The following GRK5 variants were observed in gnomAD, a reference collection of about 807,000 sequenced individuals.
GRK5 encodes g protein-coupled receptor kinase GRK5.
GRK5 carries 40 observed loss-of-function variants against 78.4 expected under a neutral mutation model. The ratio of observed to expected loss-of-function variants is 0.51; its 90% CI spans 0.40 to 0.66. The LOEUF (loss-of-function observed/expected upper bound fraction) is 0.66. Ranked by LOEUF, GRK5 falls within the 30% of genes least tolerant of loss-of-function variation. GRK5 has a pLI of 0.00. For missense variants in GRK5, 598 were observed against 759.9 expected (o/e 0.79, Z 2.50); for synonymous variants, 289 against 296.8 (o/e 0.97, Z 0.27).
intron 1 of GRK5, among the ~76,000 whole-genome samples, chr10:119,256,146 C>T (rs1274934379): frequency 6.6e-6 from 1 of 152,056 alleles, no homozygotes; most frequent in Non-Finnish European, 1.5e-5. Context: ...TTGGCCCAGC[C>T]TCCACTGCAC....
chr10:119,403,277 C>T (rs1324032443), intron 4 of GRK5, among the ~76,000 whole-genome samples: 1 of 152,128 alleles, frequency 6.6e-6, no homozygotes, highest in Non-Finnish European at 1.5e-5. Flanking sequence ...CGCCATTCTC[C>T]TGCCTCAGCC....
chr10:119,376,765 C>T (rs1005354899), intron 2 of GRK5, among the ~76,000 whole-genome samples: 1 of 152,134 alleles, frequency 6.6e-6, no homozygotes, highest in South Asian at 2.1e-4. Context: ...CAGGGTTTCA[C>T]TATGTTAGCC....
intron 1 of GRK5, chr10:119,211,463 G>C (rs1035849095): frequency 6.6e-6 from 1 of 152,094 alleles, no homozygotes; most frequent in Non-Finnish European, 1.5e-5. Flanking sequence ...AGGTTTTTGT[G>C]TTTTTCTCAT....
intron 1 of GRK5, among the ~76,000 whole-genome samples, chr10:119,250,425 G>T (rs1470903574): frequency 6.6e-6 from 1 of 151,560 alleles, no homozygotes; most frequent in African/African-American, 2.4e-5. Flanking sequence ...GCAGGGTCTC[G>T]CTCTGTCACC....
chr10:119,329,507 A>C (rs1354654613), intron 2 of GRK5, among the ~76,000 whole-genome samples: 2 of 152,184 alleles, frequency 1.3e-5, no homozygotes, highest in African/African-American at 2.4e-5. Context: ...CAGTGGGTGC[A>C]GACTAAAAAG....
intron 4 of GRK5, among the ~76,000 whole-genome samples, chr10:119,406,919 C>T (rs1043831676): frequency 2.6e-5 from 4 of 152,218 alleles, no homozygotes; most frequent in Non-Finnish European, 5.9e-5. Context: ...TGAGCTACTA[C>T]TGTAGCCTAG....
chr10:119,435,371 A>G (rs1852900687), intron 8 of GRK5, among the ~76,000 whole-genome samples: 1 of 152,230 alleles, frequency 6.6e-6, no homozygotes, highest in Non-Finnish European at 1.5e-5. Flanking sequence ...CTTCCCTTAC[A>G]AAACTGAATG....
At chr10:119,235,332 C>G (rs1391212262) in intron 1 of GRK5, among the ~76,000 whole-genome samples, 1 of 152,036 alleles carries the variant, frequency 6.6e-6, no homozygotes, top group East Asian at 1.9e-4. Flanking sequence ...GCCTATTATC[C>G]CTGGAAAACC....
In GRK5 at chr10:119,417,221, A is replaced by G. The variant is rs566026477; in HGVS notation, c.340-5945A>G. Among the ~76,000 whole-genome samples, 6 of 152,292 alleles carry G rather than the reference A, an allele frequency of 3.9e-5. No individual in the cohort carries two copies. The East Asian group carries it at 1.2e-3, about 29-fold the overall frequency. ...CAGCCTCGGGTGTGGTGGGTGATCC[A>G]CACGTGCTTCCCGGATTCAGTGCTG... On this transcript the variant is annotated intron_variant, in intron 4 of 15. Coordinates refer to ENST00000392870, the MANE Select transcript of GRK5 (RefSeq NM_005308.3).
intron 2 of GRK5, among the ~76,000 whole-genome samples, chr10:119,337,039 T>A (rs1347524827): frequency 6.6e-6 from 1 of 151,904 alleles, no homozygotes; most frequent in Non-Finnish European, 1.5e-5. Context: ...TAGAATGGAG[T>A]GGTGGCAGGG....
rs1200140370 is a variant in GRK5, at chr10:119,459,087, T to G, written c.*4020T>G. ...TCTGAGATAGGATCTTCCAACTTTT[T>G]AGCCCCGGCTGTGGAAAGATAGTGA... On this transcript the variant is annotated 3_prime_UTR_variant, in exon 16 of 16. Coordinates refer to ENST00000392870, the MANE Select transcript of GRK5 (RefSeq NM_005308.3). The G allele has an allele frequency of 6.6e-6, 1 of 152,260 alleles. No individual in the cohort carries two copies. The highest frequency in any genetic ancestry group is 1.5e-5 in the Non-Finnish European group (1 of 68,046). The allele number at this position is 152,260 out of a possible 1,614,324, so 9.4% of individuals were successfully genotyped here.
chr10:119,416,722 T>C (rs1419102108), intron 4 of GRK5, among the ~76,000 whole-genome samples: 1 of 152,078 alleles, frequency 6.6e-6, no homozygotes. Flanking sequence ...GCCTCCTGAG[T>C]AGCTGGGACT....
intron 1 of GRK5, among the ~76,000 whole-genome samples, chr10:119,247,278 C>CA (rs2133748750): frequency 6.6e-6 from 1 of 152,228 alleles, no homozygotes; most frequent in East Asian, 1.9e-4. Context: ...AACAAACAAA[C>CA]AAAAAATGTG....
rs976428074 is a variant in GRK5, at chr10:119,388,225, C to T, written c.261+7298C>T. On this transcript the variant is annotated intron_variant, in intron 3 of 15. Coordinates refer to ENST00000392870, the MANE Select transcript of GRK5 (RefSeq NM_005308.3). ...CCACCTTGGCTTCCCAAAGTGGAAT[C>T]ATGCTGGATTACAGGCATGAGGCAC... Among the ~76,000 whole-genome samples the T allele has an allele frequency of 3.3e-5, 5 of 152,076 alleles. No homozygotes were observed. In the East Asian group the frequency reaches 7.8e-4, roughly 24 times the overall value.
intron 1 of GRK5, among the ~76,000 whole-genome samples, chr10:119,292,349 T>C (rs1426513864): frequency 1.3e-5 from 2 of 151,870 alleles, no homozygotes; most frequent in African/African-American, 2.4e-5. Flanking sequence ...TCCTCCTTTC[T>C]TCCTCTTCCT....
intron 1 of GRK5, among the ~76,000 whole-genome samples, chr10:119,324,271 C>G (rs1187120115): frequency 6.6e-6 from 1 of 152,232 alleles, no homozygotes; most frequent in Non-Finnish European, 1.5e-5. Flanking sequence ...GCCACGGGGC[C>G]ACAGGTGACT....
At chr10:119,326,047 A>G (rs973085017) in intron 1 of GRK5, among the ~76,000 whole-genome samples, 1 of 152,200 alleles carries the variant, frequency 6.6e-6, no homozygotes, top group Admixed American at 6.5e-5. Flanking sequence ...TTGTCCCCCA[A>G]CATCTAGCCT....
At chr10:119,232,604 C>T (rs532121105) in intron 1 of GRK5, among the ~76,000 whole-genome samples, 7 of 152,086 alleles carry the variant, frequency 4.6e-5, no homozygotes, top group East Asian at 1.9e-4. Context: ...ATGCTGTTCT[C>T]GTGATAGTAA....
chr10:119,453,241 A>C lies in GRK5; in HGVS notation c.1639A>C (p.Lys547Gln), dbSNP rs1450159932. Reference protein sequence around the residue: ...LNRNHPPEPPKKGLLQRLFKR... With the variant: ...LNRNHPPEPPQKGLLQRLFKR... ...CAGAAACCACCCTCCGGAACCGCCC[A>C]AGAAAGGGCTGCTCCAGAGACTCTT... Residue 547 changes from lysine to glutamine, a missense_variant, in exon 15 of 16, where the codon AAG (lysine) becomes CAG (glutamine). Lys to Gln is a moderately conservative substitution (Grantham distance 53). Coordinates refer to ENST00000392870, the MANE Select transcript of GRK5 (RefSeq NM_005308.3). 3 of 1,614,094 alleles carry C rather than the reference A, an allele frequency of 1.9e-6. No individual in the cohort carries two copies. Among genetic ancestry groups the C allele is most frequent in the Non-Finnish European group, 2.5e-6 (3 of 1,179,990 alleles).
Sources: gnomAD v4.1 joint callset for allele counts (sites outside exome capture counted in the v4.1 genomes callset) on GRCh38, gnomAD v4.1.1 for gene constraint, MANE v1.5 for transcripts, NCBI Gene and HGNC (gene_info 2026-07-23, HGNC 2026-07-21) for gene names.